Variants in ZBTB40 observed in about 807,000 individuals in gnomAD.
ZBTB40 encodes zinc finger and BTB domain-containing protein 40.
Under a neutral mutation model 117.5 loss-of-function variants are expected in ZBTB40, and 60 were observed. That is an observed-to-expected ratio of 0.51 (90% CI 0.41 to 0.63). The LOEUF (loss-of-function observed/expected upper bound fraction) is 0.63. Among genes scored for constraint, ZBTB40 ranks in the 30% least tolerant of loss-of-function variants. The pLI is 0.00. For missense variants in ZBTB40, 1,287 were observed against 1,498.5 expected, an observed-to-expected ratio of 0.86 and a Z score of 2.33; for synonymous variants, 525 against 577.1, an observed-to-expected ratio of 0.91 and a Z score of 1.29.
chr1:22,490,552 A>AC lies in ZBTB40; in HGVS notation c.608dup (p.Ala204SerfsTer8). Reference sequence around the variant, plus strand: ...CCAGGAGAGCCAGAGGAATGCAGAAACCCCAGCGGAGACTCCTACTACAGC... The same window carrying AC: ...CCAGGAGAGCCAGAGGAATGCAGAAACCCCCAGCGGAGACTCCTACTACAGC... On this transcript the variant is annotated frameshift_variant, in exon 2 of 18. Coordinates refer to ENST00000375647, the MANE Select transcript of ZBTB40 (RefSeq NM_014870.4). LOFTEE classifies it high-confidence loss of function. The AC allele has an allele frequency of 6.2e-7, 1 of 1,612,434 alleles. No individual in the cohort carries two copies. The highest frequency in any genetic ancestry group is 8.5e-7 in the Non-Finnish European group (1 of 1,179,344).
intron 1 of ZBTB40, among the ~76,000 whole-genome samples, chr1:22,457,849 C>G (rs1641039504): frequency 1.3e-5 from 2 of 152,216 alleles, no homozygotes; most frequent in African/African-American, 2.4e-5. Context: ...GGACTGGGGC[C>G]TGACCATTGA....
chr1:22,489,826 C>T (rs762589807), intron 1 of ZBTB40, 54 bp from the exon 2 acceptor site: 38 of 881,648 alleles, frequency 4.3e-5, no homozygotes, highest in Non-Finnish European at 5.8e-5. Flanking sequence ...TCATTCAAGG[C>T]CTTTCCCTAT....
At chr1:22,447,459 G>A (rs143538171), upstream of ZBTB40, among the ~76,000 whole-genome samples, 1 of 152,172 alleles carries the variant, frequency 6.6e-6, no homozygotes, top group Non-Finnish European at 1.5e-5. Flanking sequence ...ACCTGAGCAA[G>A]TGGGCAGAGA....
At chr1:22,470,388 A>G (rs1641372912) in intron 1 of ZBTB40, among the ~76,000 whole-genome samples, 3 of 152,144 alleles carry the variant, frequency 2.0e-5, no homozygotes, top group Admixed American at 6.6e-5. Context: ...GTGTGGGAGA[A>G]AGGAGTGGGT....
At chr1:22,500,262 T>C (rs1473311318) in intron 3 of ZBTB40, among the ~76,000 whole-genome samples, 1 of 152,188 alleles carries the variant, frequency 6.6e-6, no homozygotes, top group Non-Finnish European at 1.5e-5. Flanking sequence ...GTTGATGTCT[T>C]AGAAGCATCT....
chr1:22,496,873 C>T (rs932672347), intron 3 of ZBTB40, among the ~76,000 whole-genome samples: 1 of 152,206 alleles, frequency 6.6e-6, no homozygotes, highest in Non-Finnish European at 1.5e-5. Flanking sequence ...CACGATAGGC[C>T]GTCTGTACCT....
intron 1 of ZBTB40, among the ~76,000 whole-genome samples, chr1:22,457,024 C>T (rs6657564): frequency 0.98 from 148,883 of 152,274 alleles, 72,882 homozygotes; most frequent in East Asian, 1. Flanking sequence ...TCCCAGCACT[C>T]TGGGAGGCTG....
intron 1 of ZBTB40, among the ~76,000 whole-genome samples, chr1:22,477,872 C>T (rs1037379566): frequency 7.2e-5 from 11 of 151,998 alleles, no homozygotes; most frequent in Non-Finnish European, 1.2e-4. Flanking sequence ...TTTTGTTTAC[C>T]GTACTTTTCT....
chr1:22,527,865 G>C lies in ZBTB40; in HGVS notation c.*1469G>C, dbSNP rs1042543756. The C allele has an allele frequency of 6.6e-6, 1 of 152,476 alleles. No individual in the cohort carries two copies. Among genetic ancestry groups the C allele is most frequent in the Non-Finnish European group, 1.5e-5 (1 of 68,108 alleles). 9.4% of individuals were successfully genotyped at this position (152,476 alleles called of 1,614,324 possible). ...CCAGCACGCCCACTGACTGGCATCTGCCGGCTTTGTGCAGGCAGCCCCGAC... is the reference window on the plus strand; with the variant it reads ...CCAGCACGCCCACTGACTGGCATCTCCCGGCTTTGTGCAGGCAGCCCCGAC... On this transcript the variant is annotated 3_prime_UTR_variant, in exon 18 of 18. Coordinates refer to ENST00000375647, the MANE Select transcript of ZBTB40 (RefSeq NM_014870.4).
chr1:22,511,604 T>G, intron 10 of ZBTB40, 72 bp from the exon 11 acceptor site: 1 of 1,512,788 alleles, frequency 6.6e-7, no homozygotes, highest in Non-Finnish European at 9.0e-7. Flanking sequence ...CTGTAAGAAG[T>G]GTGTTAGAAA....
chr1:22,434,031 T>C (rs1169027700), intron 1 of ZBTB40, among the ~76,000 whole-genome samples: 1 of 152,160 alleles, frequency 6.6e-6, no homozygotes, highest in Non-Finnish European at 1.5e-5. Context: ...AAAATGTTGG[T>C]ATTATTAATC....
chr1:22,525,121 T>TA lies in ZBTB40; in HGVS notation c.3525+678dup, dbSNP rs1006572530. ...ATCAGTCATTTATAAACCAGGTTCT[T>TA]ACAGGCCTCTGGGGAACAGAGGGGA... On this transcript the variant is annotated intron_variant, in intron 17 of 17. Coordinates refer to ENST00000375647, the MANE Select transcript of ZBTB40 (RefSeq NM_014870.4). Among the ~76,000 whole-genome samples the TA allele has an allele frequency of 3.3e-5, 5 of 152,162 alleles. 1 individual carries two copies. The highest frequency in any genetic ancestry group is 2.0e-4 in the Admixed American group (3 of 15,280).
rs1639725377 is a variant in ZBTB40 at position 22,527,903 on chromosome 1, G to A, written c.*1507G>A. The A allele has an allele frequency of 6.6e-6, 1 of 152,482 alleles. No homozygotes were observed. The highest frequency in any genetic ancestry group is 1.5e-5 in the Non-Finnish European group (1 of 68,094). The allele number at this position is 152,482 out of a possible 1,614,324, so 9.4% of individuals were successfully genotyped here. ...AGGCAGCCCCGACGGTTTCCACAGCGAGCGCCAGCTCCGGCCAGCCTGGGA... is the reference window on the plus strand; with the variant it reads ...AGGCAGCCCCGACGGTTTCCACAGCAAGCGCCAGCTCCGGCCAGCCTGGGA... On this transcript the variant is annotated 3_prime_UTR_variant, in exon 18 of 18. Transcript: ENST00000375647.
rs182927982 is a variant in ZBTB40 at position 22,507,943 on chromosome 1, G to A, written c.1361-58G>A. ...CCTCTCTCATTGGTAATATCCTGGA[G>A]TCTTCTGTAGGAGGTTTTGTTGCAT... is the stretch of plus-strand genomic sequence containing the variant. On this transcript the variant is annotated intron_variant, in intron 6 of 17. Transcript: ENST00000375647. 13 of 1,613,274 alleles carry A rather than the reference G, an allele frequency of 8.1e-6. No homozygotes were observed. The East Asian group carries it at 2.7e-4, about 33-fold the overall frequency.
intron 1 of ZBTB40, among the ~76,000 whole-genome samples, chr1:22,479,667 C>G (rs1187945788): frequency 6.6e-6 from 1 of 152,182 alleles, no homozygotes; most frequent in East Asian, 1.9e-4. Context: ...GATATGTCTT[C>G]AAATTGCTTC....
intron 1 of ZBTB40, among the ~76,000 whole-genome samples, chr1:22,444,051 C>A (rs998726061): frequency 6.6e-6 from 1 of 152,138 alleles, no homozygotes; most frequent in Non-Finnish European, 1.5e-5. Flanking sequence ...AGGAGAGGGA[C>A]TCCTCCGCCA....
Position 22,431,384 on chromosome 1 carries a change from G to GTA in ZBTB40, c.-70+2394_-70+2395dup, listed in dbSNP as rs59021263. The stretch of plus-strand genomic sequence containing the variant: ...ATTTTGTGTGTGTGTGTGTGTGTGT[G>GTA]TATATATATATATATATATATATAT... On this transcript the variant is annotated intron_variant, in intron 1 of 8. Coordinates refer to the ZBTB40 transcript ENST00000650433. Among the ~76,000 whole-genome samples, 28 of 119,696 alleles carry GTA rather than the reference G, an allele frequency of 2.3e-4. 1 individual carries two copies. Among genetic ancestry groups the GTA allele is most frequent in the African/African-American group, 1.0e-3 (27 of 26,960 alleles). The allele number at this position is 119,696 out of a possible 152,430, so 78.5% of individuals were successfully genotyped here. A position where few individuals can be genotyped will look rare whatever the true frequency, so the allele number is the denominator to read the frequency against.
chr1:22,506,499 G>C lies in ZBTB40; in HGVS notation c.1360+258G>C, dbSNP rs553461560. Among the ~76,000 whole-genome samples the C allele has an allele frequency of 7.9e-5, 12 of 152,210 alleles. No individual in the cohort carries two copies. The East Asian group carries it at 2.3e-3, about 29-fold the overall frequency. On this transcript the variant is annotated intron_variant, in intron 6 of 17. Transcript: ENST00000375647. ...ATTTATTAACGTGTGGCTTTCCCAG[G>C]GCTGTCCAGGATCACCTGTGAAAGC...
rs751678430 is a variant in ZBTB40 at position 22,525,718 on chromosome 1, C to T, written c.3526-484C>T. Among the ~76,000 whole-genome samples the T allele has an allele frequency of 3.3e-5, 5 of 152,218 alleles. 1 individual carries two copies. The highest frequency in any genetic ancestry group is 6.5e-5 in the Admixed American group (1 of 15,292). ...GTTCATCCAGTCTTCCTCCTAAGCT[C>T]GGTCACTGTGTGGCCTCCTGGGAAG... On this transcript the variant is annotated intron_variant, in intron 17 of 17. Transcript: ENST00000375647.
Sources: gnomAD v4.1 joint callset for allele counts (sites outside exome capture counted in the v4.1 genomes callset) on GRCh38, gnomAD v4.1.1 for gene constraint, MANE v1.5 for transcripts, NCBI Gene and HGNC (gene_info 2026-07-23, HGNC 2026-07-21) for gene names.